Variants in TNFSF11 observed in about 807,000 individuals in gnomAD.
TNFSF11 encodes tumor necrosis factor ligand superfamily member 11.
Under a neutral mutation model 32.2 loss-of-function variants are expected in TNFSF11, and 12 were observed. The observed-to-expected ratio is 0.37, with a 90% CI of 0.24 to 0.60. The LOEUF (loss-of-function observed/expected upper bound fraction) is 0.60. Among genes scored for constraint, TNFSF11 ranks in the 20% least tolerant of loss-of-function variants. The probability of loss-of-function intolerance (pLI) is 0.66; values close to 1 mark genes in which losing one functional copy is unlikely to be tolerated. For synonymous variants in TNFSF11, 172 were observed against 152.1 expected (o/e 1.13, Z -0.96); for missense variants, 345 against 398.0 (o/e 0.87, Z 1.13).
intron 2 of TNFSF11, among the ~76,000 whole-genome samples, chr13:42,599,362 A>ATCTATCTATCTG (rs929006020): frequency 6.6e-6 from 1 of 150,502 alleles, no homozygotes; most frequent in African/African-American, 2.5e-5. Flanking sequence ...CTATCTATCT[A>ATCTATCTATCTG]TCTATCTATC....
intron 1 of TNFSF11, among the ~76,000 whole-genome samples, chr13:42,576,158 G>T (rs969373757): frequency 6.6e-6 from 1 of 152,206 alleles, no homozygotes; most frequent in Non-Finnish European, 1.5e-5. Flanking sequence ...TAACACCTTC[G>T]GGATATGGCA....
Position 42,606,040 on chromosome 13 carries a change from T to A in TNFSF11, c.533-457T>A, listed in dbSNP as rs2137914685. On this transcript the variant is annotated intron_variant, in intron 4 of 4. Coordinates refer to ENST00000398795, the MANE Select transcript of TNFSF11 (RefSeq NM_003701.4). ...GCTTATCTCTTCCTTCAACCTGGAA[T>A]GACCTTTCTGCTCCTGTCTGTGTGG... 1.3e-5 allele frequency among the ~76,000 whole-genome samples: 2 copies of A among 152,350 alleles called. 1 individual carries two copies. The highest frequency in any genetic ancestry group is 4.1e-4 in the South Asian group (2 of 4,830).
intron 2 of TNFSF11, among the ~76,000 whole-genome samples, chr13:42,594,966 T>C (rs1237128053): frequency 6.6e-6 from 1 of 152,168 alleles, no homozygotes; most frequent in Non-Finnish European, 1.5e-5. Flanking sequence ...AAAATCACAT[T>C]GGTTGTTTTC....
chr13:42,569,157 T>A (rs1038344506), upstream of TNFSF11, among the ~76,000 whole-genome samples: 1 of 152,088 alleles, frequency 6.6e-6, no homozygotes, highest in Non-Finnish European at 1.5e-5. Flanking sequence ...TGGCAAAACT[T>A]ACTTTGCATA....
rs1211480957 is a variant in TNFSF11, at chr13:42,595,811, T to C, written c.388-4941T>C. 3.9e-5 allele frequency among the ~76,000 whole-genome samples: 6 copies of C among 152,282 alleles called. No individual in the cohort carries two copies. The East Asian group carries it at 1.2e-3, about 29-fold the overall frequency. ...TGTTCAGAAGAAAGGAGTCGGGATATTCTTTTGTAGTATTTTCCCAAAATT... is the reference window on the plus strand; with the variant it reads ...TGTTCAGAAGAAAGGAGTCGGGATACTCTTTTGTAGTATTTTCCCAAAATT... On this transcript the variant is annotated intron_variant, in intron 2 of 4. Coordinates refer to ENST00000398795, the MANE Select transcript of TNFSF11 (RefSeq NM_003701.4).
intron 2 of TNFSF11, among the ~76,000 whole-genome samples, chr13:42,567,234 G>A (rs573234443): frequency 2.6e-5 from 4 of 152,086 alleles, no homozygotes; most frequent in East Asian, 3.9e-4. Flanking sequence ...ATTAATTTTT[G>A]TATTTCCCAA....
chr13:42,579,734 GTGTC>G (rs1009837211), intron 1 of TNFSF11, among the ~76,000 whole-genome samples: 4 of 78,008 alleles, frequency 5.1e-5, no homozygotes, highest in Non-Finnish European at 9.8e-5. Context: ...TTTTTGCAAA[GTGTC>G]TGATTGAAAA....
At chr13:42,592,776 G>T (rs1357437587) in intron 2 of TNFSF11, among the ~76,000 whole-genome samples, 1 of 152,088 alleles carries the variant, frequency 6.6e-6, no homozygotes, top group Non-Finnish European at 1.5e-5. Context: ...GGATCATGGG[G>T]GGTGGTTCCC....
intron 2 of TNFSF11, among the ~76,000 whole-genome samples, chr13:42,589,295 A>G (rs1392003708): frequency 1.3e-5 from 2 of 152,098 alleles, no homozygotes; most frequent in Non-Finnish European, 2.9e-5. Context: ...CTACCGCCTT[A>G]CAAAACCTTC....
chr13:42,597,805 C>T (rs181459758), intron 2 of TNFSF11, among the ~76,000 whole-genome samples: 18 of 151,570 alleles, frequency 1.2e-4, no homozygotes, highest in African/African-American at 3.6e-4. Flanking sequence ...GTTTGAGGAC[C>T]ACTGAGCTAG....
intron 2 of TNFSF11, among the ~76,000 whole-genome samples, chr13:42,591,557 A>G (rs571483139): frequency 6.6e-6 from 1 of 152,298 alleles, no homozygotes. Flanking sequence ...AGAGAACTCA[A>G]TGAATCCTGC....
chr13:42,577,210 AAGTCCTCAAGGAAAAGC>A (rs1873363409), intron 1 of TNFSF11, among the ~76,000 whole-genome samples: 1 of 152,274 alleles, frequency 6.6e-6, no homozygotes, highest in South Asian at 2.1e-4. Flanking sequence ...GAAGGTATGC[AAGTCCTCAAGGAAAAGC>A]AGTTTGAGTT....
At chr13:42,564,091 T>A (rs776004253) in intron 1 of TNFSF11, among the ~76,000 whole-genome samples, 1 of 152,204 alleles carries the variant, frequency 6.6e-6, no homozygotes, top group Non-Finnish European at 1.5e-5. Flanking sequence ...TTTTTTATTA[T>A]CCAGTCTGTT....
At chr13:42,584,061 TAAC>T (rs1389125651) in intron 2 of TNFSF11, among the ~76,000 whole-genome samples, 1 of 152,036 alleles carries the variant, frequency 6.6e-6, no homozygotes, top group East Asian at 1.9e-4. Context: ...AAAATAAACA[TAAC>T]AAGAAATGTA....
At chr13:42,598,422 G>T (rs1413202300) in intron 2 of TNFSF11, among the ~76,000 whole-genome samples, 1 of 152,140 alleles carries the variant, frequency 6.6e-6, no homozygotes, top group Non-Finnish European at 1.5e-5. Flanking sequence ...TTAGAGATAT[G>T]CTGCATATCC....
At chr13:42,570,213 A>G (rs1026173834), upstream of TNFSF11, among the ~76,000 whole-genome samples, 1 of 152,152 alleles carries the variant, frequency 6.6e-6, no homozygotes, top group African/African-American at 2.4e-5. Flanking sequence ...TCCTTCTCAT[A>G]TCTGCACTTT....
At chr13:42,583,484 T>C (rs1873733784) in intron 2 of TNFSF11, among the ~76,000 whole-genome samples, 1 of 143,446 alleles carries the variant, frequency 7.0e-6, no homozygotes, top group Admixed American at 7.0e-5. Context: ...ACATTATTTA[T>C]GAGACTGCAA....
upstream of TNFSF11, among the ~76,000 whole-genome samples, chr13:42,573,143 A>T (rs959222573): frequency 1.3e-5 from 2 of 152,058 alleles, no homozygotes; most frequent in African/African-American, 4.8e-5. Context: ...TACAGATGTT[A>T]GTCCAGACAC....
At chr13:42,606,381 C>A in intron 4 of TNFSF11, 116 bp from the exon 5 acceptor site, 3 of 1,246,618 alleles carry the variant, frequency 2.4e-6, no homozygotes, top group Non-Finnish European at 3.5e-6. Flanking sequence ...ATAAGTTATT[C>A]TCCCTTTGAA....
Sources: gnomAD v4.1 joint callset for allele counts (sites outside exome capture counted in the v4.1 genomes callset) on GRCh38, gnomAD v4.1.1 for gene constraint, MANE v1.5 for transcripts, NCBI Gene and HGNC (gene_info 2026-07-23, HGNC 2026-07-21) for gene names.